ZNF609: variants seen among roughly 807,000 people sequenced by gnomAD.
ZNF609 encodes the protein zinc finger protein 609.
In ZNF609, 11 loss-of-function variants were observed where a neutral mutation model predicts 109.5. That is an observed-to-expected ratio of 0.10 (90% confidence interval 0.06 to 0.17). The LOEUF is 0.17. Among genes scored for constraint, ZNF609 ranks in the 10% least tolerant of loss-of-function variants. The pLI is 1.00. For synonymous variants in ZNF609, 646 were observed against 662.0 expected, an observed-to-expected ratio of 0.98 and a Z score of 0.37; for missense variants, 1,559 against 1,772.4, an observed-to-expected ratio of 0.88 and a Z score of 2.16.
intron 1 of ZNF609, among the ~76,000 whole-genome samples, chr15:64,468,567 T>G (rs1893046956): frequency 6.6e-6 from 1 of 152,012 alleles, no homozygotes; most frequent in Non-Finnish European, 1.5e-5. Context: ...TTTAAATTGT[T>G]TTTGTAGAGA....
chr15:64,668,426 A>G (rs577227081), intron 3 of ZNF609, among the ~76,000 whole-genome samples: 1 of 152,312 alleles, frequency 6.6e-6, no homozygotes, highest in East Asian at 1.9e-4. Flanking sequence ...TTTGTCTCTA[A>G]TATCCCAGAC....
intron 1 of ZNF609, among the ~76,000 whole-genome samples, chr15:64,471,083 C>T (rs1448712502): frequency 6.6e-6 from 1 of 152,028 alleles, no homozygotes; most frequent in Non-Finnish European, 1.5e-5. Flanking sequence ...TCTGTTGGTC[C>T]AGGCACGGTG....
chr15:64,646,033 A>G (rs1896328994), intron 3 of ZNF609, among the ~76,000 whole-genome samples: 1 of 152,204 alleles, frequency 6.6e-6, no homozygotes, highest in Non-Finnish European at 1.5e-5. Flanking sequence ...ACTCCTAGGT[A>G]TATACTTAAA....
chr15:64,606,524 A>C (rs1171683621), intron 2 of ZNF609, among the ~76,000 whole-genome samples: 38 of 142,540 alleles, frequency 2.7e-4, no homozygotes, highest in African/African-American at 1.0e-3. Flanking sequence ...ATGCCACTGC[A>C]CTCCAGCCTG....
Position 64,678,349 on chromosome 15 carries a change from G to A in ZNF609, c.3636G>A (p.Val1212=). The change falls in exon 6 of 10, where the codon GTG becomes GTA. Residue 1212 remains valine (V), a synonymous_variant. Transcript: ENST00000326648. The part of the protein sequence containing the change: ...GSKEPRPSVH[V]PVSSPLTQHQ... The stretch of plus-strand genomic sequence containing the variant: ...AGGAGCCCCGGCCAAGTGTCCATGT[G>A]CCTGTGTCCTCCCCACTTACCCAGC... 6.2e-7 allele frequency: 1 copy of A among 1,614,110 alleles called. No individual in the cohort carries two copies. The highest frequency in any genetic ancestry group is 8.5e-7 in the Non-Finnish European group (1 of 1,180,016).
chr15:64,527,444 A>G (rs1191416383), intron 2 of ZNF609, among the ~76,000 whole-genome samples: 1 of 151,688 alleles, frequency 6.6e-6, no homozygotes, highest in Non-Finnish European at 1.5e-5. Flanking sequence ...AGATGGCATG[A>G]GTGCTACCTA....
intron 1 of ZNF609, among the ~76,000 whole-genome samples, chr15:64,467,670 TC>T (rs1302809563): frequency 2.0e-5 from 3 of 152,036 alleles, no homozygotes; most frequent in African/African-American, 4.8e-5. Context: ...CATGGTGAAA[TC>T]CTGTCTCTAC....
intron 2 of ZNF609, among the ~76,000 whole-genome samples, chr15:64,584,454 C>T (rs1289301740): frequency 1.3e-5 from 2 of 151,974 alleles, no homozygotes; most frequent in African/African-American, 2.4e-5. Context: ...TTATGCGCCA[C>T]CATCCCTGGC....
At chr15:64,668,630 G>C (rs1293364684) in intron 3 of ZNF609, among the ~76,000 whole-genome samples, 1 of 151,960 alleles carries the variant, frequency 6.6e-6, no homozygotes, top group African/African-American at 2.4e-5. Flanking sequence ...GCCCAATCTG[G>C]GCAACATAAC....
chr15:64,658,542 T>C (rs1020414455), intron 3 of ZNF609, among the ~76,000 whole-genome samples: 3 of 151,944 alleles, frequency 2.0e-5, no homozygotes, highest in African/African-American at 7.3e-5. Flanking sequence ...CTCACACTTA[T>C]AATCCCAGCA....
At chr15:64,637,451 A>G (rs1173344805) in intron 3 of ZNF609, among the ~76,000 whole-genome samples, 1 of 152,228 alleles carries the variant, frequency 6.6e-6, no homozygotes, top group Non-Finnish European at 1.5e-5. Flanking sequence ...ATCAACTTGA[A>G]TAGACATCAC....
At chr15:64,626,980 G>A (rs72742966) in intron 3 of ZNF609, among the ~76,000 whole-genome samples, 9,541 of 152,050 alleles carry the variant, frequency 0.063, 311 homozygotes, top group South Asian at 0.087. Context: ...TGTCCGAGGC[G>A]GGAGGTACAC....
rs200734775 is a variant in ZNF609, at chr15:64,670,383, A to T, written c.1011A>T (p.Thr337=). The T allele has an allele frequency of 7.4e-6, 12 of 1,614,172 alleles. No individual in the cohort carries two copies. The highest frequency in any genetic ancestry group is 8.5e-6 in the Non-Finnish European group (10 of 1,179,994). ...TAAATGTAACGTGGAGGAACAAGAC[A>T]TATGTAGGTACACTCCTTGACTGCA... The part of the protein sequence containing the change: ...LVVNVTWRNK[T]YVGTLLDCTR... The change falls in exon 4 of 10, where the codon ACA becomes ACT. Residue 337 remains threonine (T), a synonymous_variant. Coordinates refer to ENST00000326648, the MANE Select transcript of ZNF609 (RefSeq NM_015042.2).
intron 2 of ZNF609, among the ~76,000 whole-genome samples, chr15:64,508,986 GC>G (rs1026372964): frequency 2.6e-4 from 39 of 152,228 alleles, no homozygotes; most frequent in African/African-American, 9.4e-4. Context: ...AAGCCACTGT[GC>G]CCAGCTGAGA....
intron 2 of ZNF609, among the ~76,000 whole-genome samples, chr15:64,542,054 C>T (rs1894274815): frequency 6.6e-6 from 1 of 151,876 alleles, no homozygotes; most frequent in Non-Finnish European, 1.5e-5. Context: ...GAGGCTGAAG[C>T]AGGAGGATCA....
intron 2 of ZNF609, among the ~76,000 whole-genome samples, chr15:64,564,111 C>G (rs1342704729): frequency 1.3e-5 from 2 of 150,804 alleles, no homozygotes; most frequent in Non-Finnish European, 3.0e-5. Flanking sequence ...CCCACCCTGT[C>G]CCACCCAGGA....
chr15:64,576,736 C>T (rs1014706053), intron 2 of ZNF609, among the ~76,000 whole-genome samples: 4 of 146,310 alleles, frequency 2.7e-5, no homozygotes, highest in Admixed American at 7.0e-5. Context: ...GTCAGGAGTT[C>T]GAGACCAGCC....
rs577306658 is a variant in ZNF609 at position 64,476,106 on chromosome 15, G to A, written c.-128+15268G>A. On this transcript the variant is annotated intron_variant, in intron 1 of 9. Transcript: ENST00000326648. ...GGTCTAGTGGTGATGCATGGCAGGTGGAGGTGAGATAAATTTAGTCACAGG... is the reference window on the plus strand; with the variant it reads ...GGTCTAGTGGTGATGCATGGCAGGTAGAGGTGAGATAAATTTAGTCACAGG... Among the ~76,000 whole-genome samples, 4 of 152,286 alleles carry A rather than the reference G, an allele frequency of 2.6e-5. No individual in the cohort carries two copies. The South Asian group carries it at 8.3e-4, about 32-fold the overall frequency.
chr15:64,663,027 C>T (rs68142176), intron 3 of ZNF609, among the ~76,000 whole-genome samples: 19,222 of 151,916 alleles, frequency 0.13, 1,925 homozygotes, highest in African/African-American at 0.28. Flanking sequence ...ATGTATGTAT[C>T]ACCTATACCT....
Sources: gnomAD v4.1 joint callset for allele counts (sites outside exome capture counted in the v4.1 genomes callset) on GRCh38, gnomAD v4.1.1 for gene constraint, MANE v1.5 for transcripts, NCBI Gene and HGNC (gene_info 2026-07-23, HGNC 2026-07-21) for gene names.